The following KCNH1 variants were observed in gnomAD, a reference collection of about 807,000 sequenced individuals.
KCNH1 encodes potassium voltage-gated channel subfamily H member 1, also known as voltage-gated delayed rectifier potassium channel KCNH1.
In KCNH1, 27 loss-of-function variants were observed where a neutral mutation model predicts 69.2. That is an observed-to-expected ratio of 0.39 (90% CI 0.29 to 0.54). The LOEUF is 0.54. Ranked by LOEUF, KCNH1 falls within the 20% of genes least tolerant of loss-of-function variation. The pLI, the probability that KCNH1 is intolerant of heterozygous loss-of-function variation, is 0.68. For synonymous variants in KCNH1, 456 were observed against 487.7 expected (o/e 0.93, Z 0.86); for missense variants, 798 against 1,261.6 (o/e 0.63, Z 5.57).
chr1:210,680,197 A>C lies in KCNH1; in HGVS notation c.*3084T>G, dbSNP rs1574174591. On this transcript the variant is annotated 3_prime_UTR_variant, in exon 11 of 11. Transcript: ENST00000271751. ...TAAACCCACCCCTCCATCAGCCGGGAGGAGCACGTTCAACCAGCAGCCAAG... is the reference window on the plus strand; with the variant it reads ...TAAACCCACCCCTCCATCAGCCGGGCGGAGCACGTTCAACCAGCAGCCAAG... The C allele has an allele frequency of 6.6e-6, 1 of 152,196 alleles. No individual in the cohort carries two copies. The highest frequency in any genetic ancestry group is 6.6e-5 in the Admixed American group (1 of 15,260). 9.4% of individuals were successfully genotyped at this position (152,196 alleles called of 1,614,324 possible). A position where few individuals can be genotyped will look rare whatever the true frequency, so the allele number is the denominator to read the frequency against.
Position 210,693,646 on chromosome 1 carries a change from A to G in KCNH1, c.2113-9508T>C, listed in dbSNP as rs145331503. Among the ~76,000 whole-genome samples the G allele has an allele frequency of 4.5e-3, 682 of 152,372 alleles. 1 individual carries two copies. The highest frequency in any genetic ancestry group is 7.7e-3 in the Non-Finnish European group (525 of 68,038). On this transcript the variant is annotated intron_variant, in intron 10 of 10. Coordinates refer to ENST00000271751, the MANE Select transcript of KCNH1 (RefSeq NM_172362.3). ...ACTGCACCTCATTCATCTGAACCTG[A>G]ATCAAGAATGACTTGTCTGACTCAT...
Position 211,103,572 on chromosome 1 carries a change from G to A in KCNH1, c.234C>T (p.Asp78=). ...SFMYGELTDK[D]TIEKVRQTFE... ...ATGTTTGCCGCACTTTTTCAATCGT[G>A]TCTTTATCAGTCAGCTCCCCATACA... is the stretch of plus-strand genomic sequence containing the variant. The change falls in exon 3 of 11, where the codon GAC becomes GAT. Residue 78 remains aspartate (D), a synonymous_variant. Coordinates refer to ENST00000271751, the MANE Select transcript of KCNH1 (RefSeq NM_172362.3). 2 of 1,612,918 alleles carry A rather than the reference G, an allele frequency of 1.2e-6. No individual in the cohort carries two copies. Among genetic ancestry groups the A allele is most frequent in the Non-Finnish European group, 1.7e-6 (2 of 1,179,414 alleles).
At chr1:210,766,289 G>A (rs150787975) in intron 10 of KCNH1, among the ~76,000 whole-genome samples, 1,554 of 152,240 alleles carry the variant, frequency 0.01, 29 homozygotes, top group African/African-American at 0.036. Flanking sequence ...ACTTTGGGAG[G>A]CTGAGGCAGG....
At chr1:210,836,748 A>G (rs1685291679) in intron 7 of KCNH1, among the ~76,000 whole-genome samples, 1 of 152,156 alleles carries the variant, frequency 6.6e-6, no homozygotes, top group Non-Finnish European at 1.5e-5. Flanking sequence ...AAAAGCAAAC[A>G]CTATAAAGAT....
chr1:211,047,871 C>A (rs1398851531), intron 5 of KCNH1, among the ~76,000 whole-genome samples: 6 of 151,566 alleles, frequency 4.0e-5, no homozygotes, highest in African/African-American at 1.5e-4. Context: ...AAAAAAAAAT[C>A]CTATCAAAAA....
intron 10 of KCNH1, among the ~76,000 whole-genome samples, chr1:210,754,971 G>A (rs1030536397): frequency 6.6e-6 from 1 of 152,122 alleles, no homozygotes; most frequent in African/African-American, 2.4e-5. Flanking sequence ...TCCAGCCATG[G>A]GTGTGGGAGC....
chr1:211,043,906 A>C (rs1193525676), intron 5 of KCNH1, among the ~76,000 whole-genome samples: 1 of 152,102 alleles, frequency 6.6e-6, no homozygotes, highest in East Asian at 1.9e-4. Context: ...TATGATTAAA[A>C]CTCTCAGCCA....
At chr1:211,028,434 A>G (rs1689722722) in intron 5 of KCNH1, among the ~76,000 whole-genome samples, 1 of 151,892 alleles carries the variant, frequency 6.6e-6, no homozygotes, top group Admixed American at 6.6e-5. Context: ...TAAAGCAAGC[A>G]GAAGGAAGGA....
At chr1:210,913,710 T>A (rs965928061) in intron 7 of KCNH1, among the ~76,000 whole-genome samples, 2 of 152,216 alleles carry the variant, frequency 1.3e-5, no homozygotes, top group Non-Finnish European at 2.9e-5. Context: ...AATAAGACTA[T>A]GGGGAGAAGA....
chr1:210,984,786 A>G (rs1262908375), intron 6 of KCNH1, among the ~76,000 whole-genome samples: 2 of 152,146 alleles, frequency 1.3e-5, no homozygotes, highest in Non-Finnish European at 2.9e-5. Context: ...TATGAGGATG[A>G]TTCTGGTCTC....
intron 10 of KCNH1, among the ~76,000 whole-genome samples, chr1:210,727,807 A>G (rs1003706396): frequency 6.6e-6 from 1 of 152,212 alleles, no homozygotes; most frequent in Non-Finnish European, 1.5e-5. Context: ...CACTCATGGA[A>G]TAGGAAGGAG....
intron 7 of KCNH1, among the ~76,000 whole-genome samples, chr1:210,917,002 G>T (rs1277691949): frequency 1.3e-5 from 2 of 151,890 alleles, no homozygotes; most frequent in Non-Finnish European, 2.9e-5. Flanking sequence ...ACAAAAATTA[G>T]CCAGGTGTCA....
At chr1:211,105,567 A>C (rs1337852531) in intron 2 of KCNH1, among the ~76,000 whole-genome samples, 1 of 152,202 alleles carries the variant, frequency 6.6e-6, no homozygotes, top group Admixed American at 6.5e-5. Flanking sequence ...ATTTATAGAG[A>C]AGGGATACCT....
intron 6 of KCNH1, among the ~76,000 whole-genome samples, chr1:210,931,421 CA>C (rs1220440390): frequency 1.3e-5 from 2 of 152,032 alleles, no homozygotes; most frequent in Non-Finnish European, 2.9e-5. Flanking sequence ...CAAGAATGGA[CA>C]AACAAACATT....
intron 9 of KCNH1, 78 bp from the exon 10 acceptor site, chr1:210,775,622 C>T: frequency 9.3e-7 from 1 of 1,079,966 alleles, no homozygotes; most frequent in Non-Finnish European, 1.4e-6. Flanking sequence ...CTCTATTCCC[C>T]AGAATTGCTG....
chr1:211,016,728 G>T (rs1197244522), intron 6 of KCNH1, among the ~76,000 whole-genome samples: 1 of 151,606 alleles, frequency 6.6e-6, no homozygotes, highest in Non-Finnish European at 1.5e-5. Context: ...GGCCAACATG[G>T]TGAAACCCCG....
At chr1:210,908,653 T>C (rs2102546167) in intron 7 of KCNH1, among the ~76,000 whole-genome samples, 1 of 152,278 alleles carries the variant, frequency 6.6e-6, no homozygotes, top group South Asian at 2.1e-4. Context: ...TACTGTCGTT[T>C]CCCCAATGGG....
chr1:211,085,259 G>T (rs1690932466), intron 4 of KCNH1, among the ~76,000 whole-genome samples: 1 of 152,162 alleles, frequency 6.6e-6, no homozygotes, highest in South Asian at 2.1e-4. Flanking sequence ...TTATAAGTGG[G>T]AGGGGGATGC....
intron 10 of KCNH1, among the ~76,000 whole-genome samples, chr1:210,684,888 G>A (rs996953603): frequency 2.0e-5 from 3 of 152,180 alleles, no homozygotes; most frequent in Non-Finnish European, 1.5e-5. Flanking sequence ...AGCACTGTAA[G>A]GTCACTGGAA....
Sources: allele counts gnomAD v4.1 joint callset (sites outside exome capture counted in the v4.1 genomes callset), GRCh38; gene constraint gnomAD v4.1.1; transcripts MANE v1.5; gene names NCBI Gene and HGNC (gene_info 2026-07-23, HGNC 2026-07-21).